The following DYM variants were observed in gnomAD, a reference collection of about 807,000 sequenced individuals.
DYM encodes the protein dyggve-Melchior-Clausen syndrome protein.
A neutral mutation model predicts 93.1 loss-of-function variants in DYM; 78 were observed. The observed-to-expected ratio is 0.84, with a 90% CI of 0.70 to 1.01. The LOEUF (loss-of-function observed/expected upper bound fraction) is 1.01. Among genes scored for constraint, DYM ranks in the 50% least tolerant of loss-of-function variants. DYM has a pLI of 0.00. For missense variants in DYM, 789 were observed against 845.0 expected, an observed-to-expected ratio of 0.93 and a Z score of 0.82; for synonymous variants, 321 against 319.7, an observed-to-expected ratio of 1.00 and a Z score of -0.04.
chr18:49,282,045 A>C lies in DYM; in HGVS notation c.1077T>G (p.Asn359Lys), dbSNP rs761962000. ...CCAACATGTATGTTCTAATATTACT[A>C]TTTTGATGGAGCAAGGTATACAAGA... is the stretch of plus-strand genomic sequence containing the variant. Reference protein sequence around the residue: ...TLLLYTLLHQNSNIRTYMLAR... With the variant: ...TLLLYTLLHQKSNIRTYMLAR... Residue 359 changes from asparagine to lysine, a missense_variant, in exon 10 of 18, where the codon AAT (asparagine) becomes AAG (lysine). Asn to Lys is a moderately conservative substitution (Grantham distance 94). Around this residue, in one of 3 missense-constraint regions of DYM, gnomAD observed 450 missense variants for 436.2 expected, o/e 1.03. Coordinates refer to ENST00000675505, the MANE Select transcript of DYM (RefSeq NM_001353214.3). 5 of 1,614,036 alleles carry C rather than the reference A, an allele frequency of 3.1e-6. No individual in the cohort carries two copies. The East Asian group carries it at 1.1e-4, about 36-fold the overall frequency.
At chr18:49,255,074 T>C (rs547224451) in intron 13 of DYM, among the ~76,000 whole-genome samples, 34 of 152,272 alleles carry the variant, frequency 2.2e-4, no homozygotes, top group Non-Finnish European at 4.1e-4. Context: ...ATAAATTAAA[T>C]AGTGAGTCAA....
At chr18:49,287,776 C>G (rs990723954) in intron 8 of DYM, among the ~76,000 whole-genome samples, 1 of 134,934 alleles carries the variant, frequency 7.4e-6, no homozygotes, top group Non-Finnish European at 1.5e-5. Context: ...ACCCAGGAAG[C>G]AGAGGTTGCG....
intron 15 of DYM, among the ~76,000 whole-genome samples, chr18:49,144,904 C>A (rs1455817295): frequency 6.6e-6 from 1 of 151,404 alleles, no homozygotes; most frequent in Non-Finnish European, 1.5e-5. Flanking sequence ...TCAGACCAGC[C>A]TGGGCAACAC....
intron 16 of DYM, among the ~76,000 whole-genome samples, chr18:49,100,885 G>T (rs976687897): frequency 3.3e-5 from 5 of 152,126 alleles, no homozygotes; most frequent in African/African-American, 1.2e-4. Context: ...TCATGTCTCC[G>T]GCAATTCCTA....
intron 1 of DYM, among the ~76,000 whole-genome samples, chr18:49,431,374 T>C (rs2080304591): frequency 1.3e-5 from 2 of 152,236 alleles, no homozygotes; most frequent in African/African-American, 4.8e-5. Context: ...TAGACTAGCA[T>C]GTAAAAAATT....
intron 16 of DYM, among the ~76,000 whole-genome samples, chr18:49,101,699 T>C (rs886703715): frequency 6.6e-6 from 1 of 152,192 alleles, no homozygotes; most frequent in South Asian, 2.1e-4. Flanking sequence ...AAAATACATA[T>C]ATATTTCCTC....
chr18:49,450,957 G>A (rs988798199), intron 1 of DYM, among the ~76,000 whole-genome samples: 1 of 152,198 alleles, frequency 6.6e-6, no homozygotes, highest in East Asian at 1.9e-4. Context: ...TTTGAAGATT[G>A]TAACATTGGA....
chr18:49,122,701 T>C (rs1287130497), intron 15 of DYM, among the ~76,000 whole-genome samples: 2 of 152,210 alleles, frequency 1.3e-5, no homozygotes, highest in Non-Finnish European at 2.9e-5. Flanking sequence ...AACCAGTCCA[T>C]GGAAAAACTG....
chr18:49,430,009 T>A (rs2074658558), intron 2 of DYM, among the ~76,000 whole-genome samples: 1 of 152,232 alleles, frequency 6.6e-6, no homozygotes, highest in Non-Finnish European at 1.5e-5. Flanking sequence ...ACCTATATTA[T>A]CTCTAGAACG....
At chr18:49,317,937 C>T (rs1243489435) in intron 8 of DYM, among the ~76,000 whole-genome samples, 1 of 151,996 alleles carries the variant, frequency 6.6e-6, no homozygotes, top group Non-Finnish European at 1.5e-5. Context: ...TCTTCATATT[C>T]TAGAGGGGAT....
chr18:49,100,051 A>C (rs1486024231), intron 16 of DYM, among the ~76,000 whole-genome samples: 1 of 152,190 alleles, frequency 6.6e-6, no homozygotes, highest in Non-Finnish European at 1.5e-5. Flanking sequence ...AGGTGAGCGC[A>C]TGTATGCCAA....
At chr18:49,436,501 T>A (rs550654952) in intron 1 of DYM, among the ~76,000 whole-genome samples, 2 of 152,330 alleles carry the variant, frequency 1.3e-5, no homozygotes, top group Admixed American at 1.3e-4. Context: ...GCCAAAGCTT[T>A]CAAATTATTT....
At chr18:49,116,623 T>C (rs1046703796) in intron 16 of DYM, 9 of 152,240 alleles carry the variant, frequency 5.9e-5, no homozygotes, top group African/African-American at 2.2e-4. Flanking sequence ...AGATAGTTTC[T>C]TTGAGAGCTG....
intron 5 of DYM, among the ~76,000 whole-genome samples, chr18:49,376,408 C>G (rs1039108450): frequency 6.6e-6 from 1 of 152,186 alleles, no homozygotes; most frequent in African/African-American, 2.4e-5. Flanking sequence ...AATGTTTCCA[C>G]ATAAACAGAA....
At chr18:49,092,546 G>A (rs1404448690) in intron 17 of DYM, among the ~76,000 whole-genome samples, 1 of 152,168 alleles carries the variant, frequency 6.6e-6, no homozygotes, top group Non-Finnish European at 1.5e-5. Context: ...TTTTTCTGAG[G>A]GCAGAGGTGG....
chr18:49,407,630 G>T lies in DYM; in HGVS notation c.141-15985C>A, dbSNP rs530876994. ...GAGCAAGAATTCACTCATCATCAGG[G>T]GATGGCGCTAGCCATTCATGAGGGA... On this transcript the variant is annotated intron_variant, in intron 2 of 17. Coordinates refer to ENST00000675505, the MANE Select transcript of DYM (RefSeq NM_001353214.3). Among the ~76,000 whole-genome samples the T allele has an allele frequency of 6.6e-4, 101 of 152,252 alleles. 2 individuals are homozygous for T. Among genetic ancestry groups the T allele is most frequent in the African/African-American group, 2.4e-3 (100 of 41,542 alleles).
intron 16 of DYM, among the ~76,000 whole-genome samples, chr18:49,100,772 C>G (rs1020688757): frequency 6.6e-6 from 1 of 152,204 alleles, no homozygotes; most frequent in Non-Finnish European, 1.5e-5. Context: ...ATAAAAATCT[C>G]TGTCCTACAG....
intron 13 of DYM, among the ~76,000 whole-genome samples, chr18:49,253,376 C>G (rs763851319): frequency 1.3e-5 from 2 of 152,016 alleles, no homozygotes; most frequent in Non-Finnish European, 2.9e-5. Flanking sequence ...ATTTCTATAC[C>G]CTAAACACAA....
chr18:49,266,231 A>C (rs952340162), intron 11 of DYM, among the ~76,000 whole-genome samples: 4 of 152,196 alleles, frequency 2.6e-5, no homozygotes, highest in African/African-American at 7.2e-5. Context: ...CTACAGCTGC[A>C]ACATGGATTT....
Sources: gnomAD v4.1 joint callset for allele counts (sites outside exome capture counted in the v4.1 genomes callset) on GRCh38, gnomAD v4.1.1 for gene constraint, gnomAD v4.1.1 regional missense constraint, MANE v1.5 for transcripts, NCBI Gene and HGNC (gene_info 2026-07-23, HGNC 2026-07-21) for gene names.